Variants in ADGRG4 observed in about 807,000 individuals in gnomAD.
ADGRG4 encodes adhesion G protein-coupled receptor G4, also known as G protein-coupled receptor 112.
Under a neutral mutation model 126.2 loss-of-function variants are expected in ADGRG4, and 122 were observed. The observed-to-expected ratio is 0.97, with a 90% CI of 0.83 to 1.12. ADGRG4 has a LOEUF of 1.12. Among genes scored for constraint, ADGRG4 ranks in the 50% most tolerant of loss-of-function variants. The pLI is 0.00. For missense variants in ADGRG4, 2,481 were observed against 2,251.8 expected, an observed-to-expected ratio of 1.10 and a Z score of -2.06; for synonymous variants, 943 against 838.7, an observed-to-expected ratio of 1.12 and a Z score of -2.15.
chrX:136,324,752 A>G (rs1173765373), intron 5 of ADGRG4, among the ~76,000 whole-genome samples: 16 of 111,463 alleles, frequency 1.4e-4, no homozygotes, highest in Non-Finnish European at 2.8e-4. Context: ...TTCTTTGAGC[A>G]TTTTCTTACT....
At chrX:136,387,564 C>T (rs1172756168) in intron 15 of ADGRG4, among the ~76,000 whole-genome samples, 176 bp from the exon 16 acceptor site, 1 of 111,243 alleles carries the variant, frequency 9.0e-6, no homozygotes, top group East Asian at 2.8e-4. Flanking sequence ...AGGATCATGT[C>T]TTGGCCTGTG....
chrX:136,415,625 T>C lies in ADGRG4; in HGVS notation c.9206-829T>C, dbSNP rs137900629. The stretch of plus-strand genomic sequence containing the variant: ...ACTCTGGCCAAGTAACCTGTGGATA[T>C]GTCTTGGTGCTCATATAAAGTCACT... On this transcript the variant is annotated intron_variant, in intron 25 of 25. Coordinates refer to ENST00000394143, the MANE Select transcript of ADGRG4 (RefSeq NM_153834.4). Among the ~76,000 whole-genome samples the C allele has an allele frequency of 3.1e-3, 344 of 111,618 alleles. 1 individual carries two copies. The highest frequency in any genetic ancestry group is 0.011 in the African/African-American group (330 of 30,677).
At chrX:136,339,602 G>C (rs1211820364) in intron 5 of ADGRG4, among the ~76,000 whole-genome samples, 1 of 112,508 alleles carries the variant, frequency 8.9e-6, no homozygotes, top group Non-Finnish European at 1.9e-5. Context: ...AGGAAGCATA[G>C]GGCCTGGGCC....
Position 136,414,147 on chromosome X carries a change from G to A in ADGRG4, c.9038-13G>A, listed in dbSNP as rs1392001694. On this transcript the variant is annotated splice_polypyrimidine_tract_variant and intron_variant, in intron 24 of 25. Coordinates refer to ENST00000394143, the MANE Select transcript of ADGRG4 (RefSeq NM_153834.4). ...GAGTTTTATATTTTTAACTTTTCTTGGTATCATTTCAGATGGGAGCAGCCG... is the reference window on the plus strand; with the variant it reads ...GAGTTTTATATTTTTAACTTTTCTTAGTATCATTTCAGATGGGAGCAGCCG... 3 of 1,160,161 alleles carry A rather than the reference G, an allele frequency of 2.6e-6. No homozygotes were observed. Among genetic ancestry groups the A allele is most frequent in the Non-Finnish European group, 3.5e-6 (3 of 868,151 alleles).
Position 136,371,326 on chromosome X carries a change from A to G in ADGRG4, c.7397-2A>G. On this transcript the variant is annotated splice_acceptor_variant, in intron 13 of 25. Transcript: ENST00000394143. LOFTEE classifies it high-confidence loss of function. ...TTTTATGTCTCAACTTTCTTTCCCC[A>G]GAGAATGCTGAGGATGTTGCAGAGC... 8.7e-7 allele frequency: 1 copy of G among 1,154,890 alleles called. No individual in the cohort carries two copies. The highest frequency in any genetic ancestry group is 1.2e-6 in the Non-Finnish European group (1 of 859,672).
chrX:136,380,259 G>A (rs2075251655), intron 15 of ADGRG4, among the ~76,000 whole-genome samples: 1 of 109,930 alleles, frequency 9.1e-6, no homozygotes, highest in Admixed American at 9.6e-5. Flanking sequence ...GGAAGGATTT[G>A]GCTTGCTGAT....
At chrX:136,381,577 A>G (rs961662437) in intron 15 of ADGRG4, among the ~76,000 whole-genome samples, 2 of 111,644 alleles carry the variant, frequency 1.8e-5, no homozygotes, top group African/African-American at 3.3e-5. Flanking sequence ...TTTTGGTCAC[A>G]GAATATACTT....
chrX:136,322,847 A>T lies in ADGRG4; in HGVS notation c.140A>T (p.Asp47Val), dbSNP rs931440644. 2.5e-6 allele frequency: 3 copies of T among 1,208,749 alleles called. No individual in the cohort carries two copies. The highest frequency in any genetic ancestry group is 2.2e-5 in the Admixed American group (1 of 45,686). Residue 47 changes from aspartate (D) to valine (V), a missense_variant, in exon 5 of 26, where the codon GAT becomes GTT. Physicochemically the swap from Asp to Val is radical, Grantham distance 152 (BLOSUM62 -3). Coordinates refer to ENST00000394143, the MANE Select transcript of ADGRG4 (RefSeq NM_153834.4). ...GRGDTYVSLI[D>V]TIPELSRFTA... ...GGTGACACATATGTAAGCCTGATAGATACCATTCCTGAACTCAGCCGATTC... is the reference window on the plus strand; with the variant it reads ...GGTGACACATATGTAAGCCTGATAGTTACCATTCCTGAACTCAGCCGATTC...
rs1215012802 is a variant in ADGRG4 at position 136,322,986 on chromosome X, A to G, written c.279A>G (p.Ala93=). 4.1e-6 allele frequency: 5 copies of G among 1,210,206 alleles called. No homozygotes were observed. In the South Asian group the frequency reaches 5.3e-5, roughly 13 times the overall value. The stretch of plus-strand genomic sequence containing the variant: ...GAGAAGACATAGACCTTGGACTTGC[A>G]GGAGACCATCAGCAGCTAATACTAT... ...LGREDIDLGL[A]GDHQQLILYR... The change falls in exon 5 of 26, where the codon GCA becomes GCG. Residue 93 remains alanine, a synonymous_variant. Transcript: ENST00000394143.
intron 20 of ADGRG4, 142 bp downstream of exon 20, chrX:136,398,144 C>A: frequency 2.2e-6 from 1 of 459,086 alleles, no homozygotes; most frequent in Non-Finnish European, 3.4e-6. Context: ...AGGTTAAAAA[C>A]AAAACATCAA....
chrX:136,383,874 CTTCTTTCTTCCT>C (rs2075278423), intron 15 of ADGRG4, among the ~76,000 whole-genome samples: 24 of 37,361 alleles, frequency 6.4e-4, no homozygotes, highest in African/African-American at 2.1e-3. Context: ...TTCTTTCTTT[CTTCTTTCTTCCT>C]TTCCTTTCCT....
chrX:136,309,841 T>C, intron 4 of ADGRG4, among the ~76,000 whole-genome samples: 1 of 112,187 alleles, frequency 8.9e-6, no homozygotes, highest in Non-Finnish European at 1.9e-5. Context: ...TCCCAATTTC[T>C]TTATCCAAAG....
intron 3 of ADGRG4, among the ~76,000 whole-genome samples, chrX:136,306,631 A>G (rs970729431): frequency 9.0e-6 from 1 of 110,777 alleles, no homozygotes; most frequent in Non-Finnish European, 1.9e-5. Flanking sequence ...CAGACAGTAC[A>G]GAACAGTATG....
rs1361975765 is a variant in ADGRG4 at position 136,363,463 on chromosome X, C to A, written c.7278-14C>A. On this transcript the variant is annotated splice_polypyrimidine_tract_variant and intron_variant, in intron 12 of 25. Transcript: ENST00000394143. Reference sequence around the variant, plus strand: ...TCATCCTCTGATGAGAAAGCTCTTTCCTCTCTTTTTCAGTTCAATCAGCAT... The same window carrying A: ...TCATCCTCTGATGAGAAAGCTCTTTACTCTCTTTTTCAGTTCAATCAGCAT... 1.9e-6 allele frequency: 2 copies of A among 1,068,974 alleles called. No homozygotes were observed. The highest frequency in any genetic ancestry group is 2.2e-5 in the Admixed American group (1 of 45,823). 88.1% of individuals were successfully genotyped at this position (1,068,974 alleles called of 1,213,427 possible).
At chrX:136,380,658 CTCCTCCTCCTCT>C (rs1447299385) in intron 15 of ADGRG4, among the ~76,000 whole-genome samples, 2,994 of 72,173 alleles carry the variant, frequency 0.041, 84 homozygotes, top group African/African-American at 0.055. Flanking sequence ...CTTCCTCCTC[CTCCTCCTCCTCT>C]TCCTCCTCCT....
rs1478351184 is a variant in ADGRG4 at position 136,328,447 on chromosome X, A to G, written c.685+5055A>G. Among the ~76,000 whole-genome samples the G allele has an allele frequency of 3.6e-5, 4 of 112,234 alleles. No homozygotes were observed. In the East Asian group the frequency reaches 1.1e-3, roughly 31 times the overall value. On this transcript the variant is annotated intron_variant, in intron 5 of 25. Coordinates refer to ENST00000394143, the MANE Select transcript of ADGRG4 (RefSeq NM_153834.4). The stretch of plus-strand genomic sequence containing the variant: ...CAAAGGAATTTTTTTTGACCTGTGA[A>G]TGTATGAAGAAAAAGAGTCTTCCAA...
At chrX:136,390,216 A>C (rs1401024287) in intron 16 of ADGRG4, among the ~76,000 whole-genome samples, 2 of 110,494 alleles carry the variant, frequency 1.8e-5, no homozygotes, top group Non-Finnish European at 3.8e-5. Flanking sequence ...GTGCCTGGTT[A>C]ATTTTCATAT....
At chrX:136,358,782 AG>A (rs1340317499) in intron 10 of ADGRG4, among the ~76,000 whole-genome samples, 3 of 112,179 alleles carry the variant, frequency 2.7e-5, no homozygotes, top group African/African-American at 9.7e-5. Flanking sequence ...ATGTGGAGGA[AG>A]GGTTTCACAA....
intron 5 of ADGRG4, among the ~76,000 whole-genome samples, chrX:136,339,613 G>T (rs903872980): frequency 8.9e-6 from 1 of 112,458 alleles, no homozygotes; most frequent in African/African-American, 3.2e-5. Flanking sequence ...GGCCTGGGCC[G>T]CATTTTTATG....
Sources: gnomAD v4.1 joint callset for allele counts (sites outside exome capture counted in the v4.1 genomes callset) on GRCh38, gnomAD v4.1.1 for gene constraint, MANE v1.5 for transcripts, NCBI Gene and HGNC (gene_info 2026-07-23, HGNC 2026-07-21) for gene names.